BRF1: variants seen among roughly 807,000 people sequenced by gnomAD.
BRF1 encodes transcription factor IIIB 90 kDa subunit.
BRF1 carries 59 observed loss-of-function variants against 81.7 expected under a neutral mutation model. The ratio of observed to expected loss-of-function variants is 0.72; its 90% CI spans 0.59 to 0.90. BRF1 has a LOEUF of 0.90. Among genes scored for constraint, BRF1 ranks in the 40% least tolerant of loss-of-function variants. The probability of loss-of-function intolerance (pLI) is 0.00; values close to 1 mark genes in which losing one functional copy is unlikely to be tolerated. For missense variants in BRF1, 1,050 were observed against 936.3 expected (o/e 1.12, Z -1.58); for synonymous variants, 491 against 395.6 (o/e 1.24, Z -2.86).
At chr14:105,241,089 G>T (rs1227711882) in intron 6 of BRF1, among the ~76,000 whole-genome samples, 176 bp downstream of exon 6, 1 of 152,202 alleles carries the variant, frequency 6.6e-6, no homozygotes, top group African/African-American at 2.4e-5. Flanking sequence ...GGGCAGCCAG[G>T]AGGTCCTGGA....
At chr14:105,251,087 A>G (rs953580188) in intron 5 of BRF1, 2 of 208,812 alleles carry the variant, frequency 9.6e-6, no homozygotes, top group Admixed American at 1.1e-4. Flanking sequence ...GGTTGCCTAA[A>G]ATAACACCCA....
At chr14:105,301,531 C>T (rs891413617), upstream of BRF1, among the ~76,000 whole-genome samples, 1 of 152,152 alleles carries the variant, frequency 6.6e-6, no homozygotes, top group Non-Finnish European at 1.5e-5. Flanking sequence ...GGCAGCTGCG[C>T]TGGGGGGCCT....
chr14:105,289,769 G>A (rs2057447930), intron 1 of BRF1, among the ~76,000 whole-genome samples: 1 of 152,162 alleles, frequency 6.6e-6, no homozygotes, highest in Admixed American at 6.5e-5. Context: ...CTGAGTAGCT[G>A]GAACTACAGG....
In BRF1 at chr14:105,226,287, C is replaced by G. The variant is rs991976032; in HGVS notation, c.919G>C (p.Glu307Gln). 4 of 1,613,928 alleles carry G rather than the reference C, an allele frequency of 2.5e-6. No individual in the cohort carries two copies. Among genetic ancestry groups the G allele is most frequent in the Non-Finnish European group, 2.5e-6 (3 of 1,180,048 alleles). ...TCCAGTTTTTTTGACAGGACTTGTT[C>G]AAGCTGAAAGGGAACAGGGCAAGAG... ...GQRKLRMKQL[E>Q]QVLSKKLEEV... is the part of the protein sequence containing the mutation. The change falls in exon 9 of 18, where the codon GAA (glutamate) becomes CAA (glutamine). Residue 307 changes from glutamate (E) to glutamine (Q), a missense_variant. Physicochemically the swap from Glu to Gln is conservative, Grantham distance 29. Transcript: ENST00000547530.
intron 11 of BRF1, 103 bp from the exon 12 acceptor site, chr14:105,220,233 T>C (rs8005486): frequency 0.29 from 386,766 of 1,334,826 alleles, 67,430 homozygotes; most frequent in African/African-American, 0.76. Flanking sequence ...GGCTAAGGGC[T>C]TTCTAGAACC....
At chr14:105,275,485 C>T (rs1330926498) in intron 2 of BRF1, among the ~76,000 whole-genome samples, 1 of 152,266 alleles carries the variant, frequency 6.6e-6, no homozygotes, top group Admixed American at 6.5e-5. Context: ...CAGCCAGACA[C>T]ACCAGCACAG....
At chr14:105,216,907 A>G (rs1000239484) in intron 15 of BRF1, among the ~76,000 whole-genome samples, 1 of 152,156 alleles carries the variant, frequency 6.6e-6, no homozygotes, top group African/African-American at 2.4e-5. Flanking sequence ...GGACACATGG[A>G]CCAGCCACAG....
chr14:105,308,180 C>T (rs1360897181), intron 1 of BRF1, among the ~76,000 whole-genome samples: 1 of 150,410 alleles, frequency 6.6e-6, no homozygotes, highest in Non-Finnish European at 1.5e-5. Context: ...GAGACTCTGT[C>T]CCCCCCAAAA....
At chr14:105,226,370 C>T in intron 8 of BRF1, 80 bp from the exon 9 acceptor site, 3 of 1,571,374 alleles carry the variant, frequency 1.9e-6, no homozygotes, top group East Asian at 2.2e-5. Flanking sequence ...GCGTGGGCCC[C>T]AGGGACCACA....
At chr14:105,280,873 A>AGCCTG (rs1454164037) in intron 2 of BRF1, among the ~76,000 whole-genome samples, 2 of 52,790 alleles carry the variant, frequency 3.8e-5, no homozygotes, top group Non-Finnish European at 3.9e-5. Flanking sequence ...GATACAGCCC[A>AGCCTG]CGTGACCCTG....
At chr14:105,299,848 C>A (rs957056709) in intron 1 of BRF1, among the ~76,000 whole-genome samples, 6 of 152,246 alleles carry the variant, frequency 3.9e-5, no homozygotes, top group African/African-American at 1.4e-4. Context: ...GTTACACATA[C>A]AGCTAAGTTC....
At position 105,209,726 on chromosome 14, in the gene BRF1, G is replaced by C. The variant is rs965090635; in HGVS notation, c.*825C>G. 12 of 614,146 alleles carry C rather than the reference G, an allele frequency of 2.0e-5. No homozygotes were observed. 38.0% of individuals were successfully genotyped at this position (614,146 alleles called of 1,614,324 possible). Reference sequence around the variant, plus strand: ...TGTCCACGGGGAACTCCCAGCGCCAGGACACTATGCAGGCTATGCCCGCAC... The same window carrying C: ...TGTCCACGGGGAACTCCCAGCGCCACGACACTATGCAGGCTATGCCCGCAC... On this transcript the variant is annotated 3_prime_UTR_variant, in exon 18 of 18. Transcript: ENST00000547530.
chr14:105,243,328 T>C (rs892756528), intron 5 of BRF1, among the ~76,000 whole-genome samples: 1 of 150,712 alleles, frequency 6.6e-6, no homozygotes. Flanking sequence ...CGGGCACCTA[T>C]AGTCCCAGAT....
chr14:105,211,837 G>C, intron 16 of BRF1: 1 of 531,300 alleles, frequency 1.9e-6, no homozygotes, highest in East Asian at 3.3e-5. Context: ...GCTCCCTGCA[G>C]GCACCAGGCC....
In BRF1 at chr14:105,211,162, C is replaced by T. The variant is rs368902966; in HGVS notation, c.1956G>A (p.Gly652=). The change falls in exon 17 of 18, where the codon GGG becomes GGA. Residue 652 remains glycine (G), a synonymous_variant. Transcript: ENST00000547530. ...TCTGCAGGGCACTGACGCAGGGCTC[C>T]CCGTCCTCCTCGTCAGGCTCCTCCT... ...ADEEEPDEED[G]EPCVSALQMM... 2.2e-5 allele frequency: 35 copies of T among 1,612,508 alleles called. No individual in the cohort carries two copies. The highest frequency in any genetic ancestry group is 1.7e-4 in the Middle Eastern group (1 of 6,024).
At chr14:105,313,500 C>A (rs995347106) in intron 1 of BRF1, among the ~76,000 whole-genome samples, 1 of 152,172 alleles carries the variant, frequency 6.6e-6, no homozygotes, top group African/African-American at 2.4e-5. Flanking sequence ...GAAGTGGGAC[C>A]CTGACTTTAA....
chr14:105,217,882 G>A, intron 14 of BRF1, 82 bp from the exon 15 acceptor site: 1 of 1,557,862 alleles, frequency 6.4e-7, no homozygotes, highest in Non-Finnish European at 8.7e-7. Flanking sequence ...GAGGCCAGGA[G>A]TGCAGGCGGG....
intron 3 of BRF1, among the ~76,000 whole-genome samples, chr14:105,266,651 A>G (rs1331704423): frequency 2.0e-5 from 3 of 152,162 alleles, no homozygotes; most frequent in African/African-American, 7.2e-5. Context: ...CACCCCTCCC[A>G]GGACAGGAGA....
In BRF1 at chr14:105,226,290, G is replaced by A. The variant is rs587763042; in HGVS notation, c.916C>T (p.Leu306Phe). ...AGTTTTTTTGACAGGACTTGTTCAAGCTGAAAGGGAACAGGGCAAGAGGCT... is the reference window on the plus strand; with the variant it reads ...AGTTTTTTTGACAGGACTTGTTCAAACTGAAAGGGAACAGGGCAAGAGGCT... ...AGQRKLRMKQ[L>F]EQVLSKKLEE... The change falls in exon 9 of 18, where the codon CTT (leucine) becomes TTT (phenylalanine). Residue 306 changes from leucine (L) to phenylalanine (F), a missense_variant and splice_region_variant. By Grantham distance (22) the Leu-to-Phe change is conservative. Coordinates refer to ENST00000547530, the MANE Select transcript of BRF1 (RefSeq NM_001519.4). 1.2e-6 allele frequency: 2 copies of A among 1,614,036 alleles called. No individual in the cohort carries two copies. The highest frequency in any genetic ancestry group is 1.3e-5 in the African/African-American group (1 of 75,060).
Sources: allele counts gnomAD v4.1 joint callset (sites outside exome capture counted in the v4.1 genomes callset), GRCh38; gene constraint gnomAD v4.1.1; transcripts MANE v1.5; gene names NCBI Gene and HGNC (gene_info 2026-07-23, HGNC 2026-07-21).